The following STARD13 variants were observed in gnomAD, a reference collection of about 807,000 sequenced individuals.
STARD13 encodes the protein StAR related lipid transfer domain containing 13.
Under a neutral mutation model 106.4 loss-of-function variants are expected in STARD13, and 62 were observed. The observed-to-expected ratio is 0.58, with a 90% CI of 0.48 to 0.72. The LOEUF (loss-of-function observed/expected upper bound fraction) is 0.72, where lower values mean the gene tolerates loss of function less well. Ranked by LOEUF, STARD13 falls within the 30% of genes least tolerant of loss-of-function variation. STARD13 has a pLI of 0.00. For missense variants in STARD13, 1,387 were observed against 1,424.0 expected, an observed-to-expected ratio of 0.97 and a Z score of 0.42; for synonymous variants, 565 against 553.0, an observed-to-expected ratio of 1.02 and a Z score of -0.31.
chr13:33,223,858 C>A (rs986076938), intron 1 of STARD13, among the ~76,000 whole-genome samples: 3 of 152,168 alleles, frequency 2.0e-5, no homozygotes, highest in South Asian at 2.1e-4. Context: ...GTTGCCAGAG[C>A]AAATAAGTTC....
chr13:33,544,498 A>G, the STARD13 span, among the ~76,000 whole-genome samples: 14 of 152,354 alleles, frequency 9.2e-5, no homozygotes, highest in Admixed American at 6.5e-4. Context: ...GTTTATGTTT[A>G]TGATAATCAG....
chr13:33,139,871 C>T (rs1336701453), intron 4 of STARD13, among the ~76,000 whole-genome samples: 1 of 152,058 alleles, frequency 6.6e-6, no homozygotes, highest in Non-Finnish European at 1.5e-5. Flanking sequence ...TCAATCTGGC[C>T]ATGGATTCTG....
chr13:33,240,077 G>T (rs1889393167), intron 1 of STARD13, among the ~76,000 whole-genome samples: 1 of 152,114 alleles, frequency 6.6e-6, no homozygotes, highest in Admixed American at 6.5e-5. Context: ...TGTGGCATAA[G>T]GCAAGGATCC....
chr13:33,570,329 T>C, the STARD13 span, among the ~76,000 whole-genome samples: 1 of 147,978 alleles, frequency 6.8e-6, no homozygotes, highest in Non-Finnish European at 1.5e-5. Context: ...AGTCATACCA[T>C]TTATGTTTTA....
the STARD13 span, among the ~76,000 whole-genome samples, chr13:33,494,126 T>C: frequency 2.0e-5 from 3 of 152,300 alleles, no homozygotes; most frequent in East Asian, 1.9e-4. Context: ...CCAGGTCTAG[T>C]GTAGAAGCAG....
chr13:33,620,061 G>GA, the STARD13 span, among the ~76,000 whole-genome samples: 3 of 149,056 alleles, frequency 2.0e-5, no homozygotes, highest in Admixed American at 6.6e-5. Context: ...CTGTCTCAAA[G>GA]AAAAAAAAAG....
downstream of STARD13, among the ~76,000 whole-genome samples, chr13:33,347,728 A>G (rs1204677406): frequency 1.3e-5 from 2 of 152,200 alleles, no homozygotes; most frequent in African/African-American, 2.4e-5. Context: ...AATACATTCT[A>G]TGATTTACAC....
the STARD13 span, among the ~76,000 whole-genome samples, chr13:33,378,741 G>C: frequency 1.3e-5 from 2 of 150,372 alleles, no homozygotes; most frequent in African/African-American, 4.9e-5. Context: ...AGTGAGCTGA[G>C]ATGGCACCAC....
At chr13:33,268,586 T>G (rs1438310976) in intron 1 of STARD13, among the ~76,000 whole-genome samples, 2 of 152,208 alleles carry the variant, frequency 1.3e-5, no homozygotes, top group Non-Finnish European at 2.9e-5. Context: ...AATAGGCTTA[T>G]AGAGTTCCTG....
chr13:33,400,614 C>T, the STARD13 span, among the ~76,000 whole-genome samples: 1 of 152,304 alleles, frequency 6.6e-6, no homozygotes, highest in South Asian at 2.1e-4. Flanking sequence ...GCGCCCGCCA[C>T]CATGCCCAGC....
intron 1 of STARD13, among the ~76,000 whole-genome samples, chr13:33,300,231 T>A (rs1892658787): frequency 2.0e-5 from 3 of 152,222 alleles, no homozygotes; most frequent in Non-Finnish European, 4.4e-5. Flanking sequence ...AATTAGCTTA[T>A]GTATATGAAG....
intron 1 of STARD13, among the ~76,000 whole-genome samples, chr13:33,213,874 C>A (rs1160094344): frequency 6.6e-6 from 1 of 152,212 alleles, no homozygotes; most frequent in African/African-American, 2.4e-5. Flanking sequence ...TGGTATAACA[C>A]TTAGCACAGG....
At chr13:33,305,502 A>G (rs1380872495) in intron 1 of STARD13, among the ~76,000 whole-genome samples, 1 of 152,234 alleles carries the variant, frequency 6.6e-6, no homozygotes, top group African/African-American at 2.4e-5. Context: ...TGTGCTATGA[A>G]CTATACTAAA....
chr13:33,498,450 G>A, the STARD13 span, among the ~76,000 whole-genome samples: 358 of 152,160 alleles, frequency 2.4e-3, 2 homozygotes, highest in African/African-American at 8.2e-3. Flanking sequence ...TAAAATATTT[G>A]CATTTTTGTA....
chr13:33,206,318 AG>A (rs1389306615), intron 1 of STARD13, among the ~76,000 whole-genome samples: 1 of 151,890 alleles, frequency 6.6e-6, no homozygotes, highest in Non-Finnish European at 1.5e-5. Context: ...AACCAAGCTT[AG>A]GTTTTTCCAT....
At chr13:33,306,001 A>C (rs747158470) in intron 1 of STARD13, among the ~76,000 whole-genome samples, 37 of 152,252 alleles carry the variant, frequency 2.4e-4, no homozygotes, top group Non-Finnish European at 4.7e-4. Context: ...GGAGCCAAAA[A>C]AGAGCATGTA....
the STARD13 span, among the ~76,000 whole-genome samples, chr13:33,625,076 C>T: frequency 6.6e-6 from 1 of 152,216 alleles, no homozygotes. Context: ...CCTGTCCCTT[C>T]TGAGGGGCAG....
chr13:33,298,416 C>T (rs1008806663), intron 1 of STARD13, among the ~76,000 whole-genome samples: 6 of 151,160 alleles, frequency 4.0e-5, no homozygotes, highest in African/African-American at 1.2e-4. Context: ...GGATTACAGG[C>T]GTGAGCCACT....
chr13:33,194,537 T>C lies in STARD13; in HGVS notation c.170-26915A>G, dbSNP rs535623066. On this transcript the variant is annotated intron_variant, in intron 1 of 13. Transcript: ENST00000336934. ...TTTTGATTTAAAAGTAAGTTTATACTTAAACATCATATTTTAAGGTATTTA... is the reference window on the plus strand; with the variant it reads ...TTTTGATTTAAAAGTAAGTTTATACCTAAACATCATATTTTAAGGTATTTA... Among the ~76,000 whole-genome samples the C allele has an allele frequency of 1.8e-4, 27 of 152,354 alleles. 1 individual carries two copies. The highest frequency in any genetic ancestry group is 6.0e-4 in the African/African-American group (25 of 41,594).
Sources: gnomAD v4.1 joint callset for allele counts (sites outside exome capture counted in the v4.1 genomes callset) on GRCh38, gnomAD v4.1.1 for gene constraint, MANE v1.5 for transcripts, NCBI Gene and HGNC (gene_info 2026-07-23, HGNC 2026-07-21) for gene names.